The following RANBP2 variants were observed in gnomAD, a reference collection of about 807,000 sequenced individuals.
RANBP2 encodes the protein E3 SUMO-protein ligase RanBP2.
A neutral mutation model predicts 303.6 loss-of-function variants in RANBP2; 57 were observed. The ratio of observed to expected loss-of-function variants is 0.19; its 90% CI spans 0.15 to 0.23. RANBP2 has a LOEUF of 0.23. RANBP2 is among the 10% of genes least tolerant of loss of function. The pLI is 1.00. For missense variants in RANBP2, 3,138 were observed against 3,780.8 expected, an observed-to-expected ratio of 0.83 and a Z score of 4.46; for synonymous variants, 1,167 against 1,301.5, an observed-to-expected ratio of 0.90 and a Z score of 2.23.
chr2:109,116,152 T>C, the RANBP2 span, among the ~76,000 whole-genome samples: 1 of 152,200 alleles, frequency 6.6e-6, no homozygotes, highest in Non-Finnish European at 1.5e-5. Context: ...GCGTTCTCTG[T>C]ATTTCCTGAA....
the RANBP2 span, among the ~76,000 whole-genome samples, chr2:109,227,432 C>T: frequency 1.3e-5 from 2 of 152,300 alleles, no homozygotes; most frequent in African/African-American, 4.8e-5. Context: ...CAAGTTCTCA[C>T]AGTCAAGTAA....
At chr2:109,038,754 C>T in the RANBP2 span, among the ~76,000 whole-genome samples, 2 of 152,304 alleles carry the variant, frequency 1.3e-5, no homozygotes, top group East Asian at 3.9e-4. Context: ...CAATCCTTAA[C>T]TGATTTCCAA....
Position 108,768,167 on chromosome 2 carries a change from C to G in RANBP2, c.7628C>G (p.Ser2543Cys), listed in dbSNP as rs780590344. 6.2e-7 allele frequency: 1 copy of G among 1,611,978 alleles called. No homozygotes were observed. Among genetic ancestry groups the G allele is most frequent in the East Asian group, 2.2e-5 (1 of 44,884 alleles). The change falls in exon 20 of 29, where the codon TCT (serine) becomes TGT (cysteine). Residue 2543 changes from serine (S) to cysteine (C), a missense_variant. Ser to Cys is a moderately radical substitution (Grantham distance 112, BLOSUM62 -1). Around this residue, in one of 20 missense-constraint regions of RANBP2, gnomAD observed 497 missense variants for 465.8 expected, o/e 1.07. Coordinates refer to ENST00000283195, the MANE Select transcript of RANBP2 (RefSeq NM_006267.5). ...FAFGNSSATG[S>C]LFGFSFNAPL... is the part of the protein sequence containing the mutation. ...TTCGGCAACAGTTCAGCCACTGGGT[C>G]TTTGTTTGGATTTAGTTTTAATGCA...
the RANBP2 span, among the ~76,000 whole-genome samples, chr2:109,361,922 C>T: frequency 1.3e-5 from 2 of 151,908 alleles, no homozygotes; most frequent in Admixed American, 1.3e-4. Context: ...CAGGGATGCC[C>T]CCTCTTTTAT....
the RANBP2 span, among the ~76,000 whole-genome samples, chr2:109,256,784 G>C: frequency 6.6e-6 from 1 of 152,234 alleles, no homozygotes; most frequent in African/African-American, 2.4e-5. Context: ...AAACAGTGAA[G>C]TGGGATTTTT....
At chr2:109,671,722 A>C in the RANBP2 span, among the ~76,000 whole-genome samples, 1 of 151,990 alleles carries the variant, frequency 6.6e-6, no homozygotes, top group Non-Finnish European at 1.5e-5. Context: ...CAGGAAGGGG[A>C]AAAAAGGTAT....
chr2:109,487,384 C>T, the RANBP2 span, among the ~76,000 whole-genome samples: 8 of 152,162 alleles, frequency 5.3e-5, no homozygotes, highest in African/African-American at 1.2e-4. Flanking sequence ...CCATGGATTC[C>T]GTGAGCATGA....
the RANBP2 span, among the ~76,000 whole-genome samples, chr2:109,239,375 C>G: frequency 1.3e-5 from 2 of 152,142 alleles, no homozygotes; most frequent in Admixed American, 1.3e-4. Context: ...TCATTTCTTT[C>G]TCCTCACACA....
the RANBP2 span, among the ~76,000 whole-genome samples, chr2:109,391,815 A>G: frequency 6.6e-6 from 1 of 151,902 alleles, no homozygotes; most frequent in South Asian, 2.1e-4. Flanking sequence ...TTTTCATGTC[A>G]TTTTCAACCT....
intron 6 of RANBP2, among the ~76,000 whole-genome samples, chr2:108,740,048 T>C (rs1187169581): frequency 6.6e-6 from 1 of 152,122 alleles, no homozygotes; most frequent in African/African-American, 2.4e-5. Flanking sequence ...AAAAGAGCAA[T>C]TACTGTATTG....
At chr2:108,799,776 C>T in the RANBP2 span, among the ~76,000 whole-genome samples, 2 of 152,102 alleles carry the variant, frequency 1.3e-5, no homozygotes, top group Non-Finnish European at 2.9e-5. Flanking sequence ...TGCTATTTCC[C>T]CAAAGATTTC....
the RANBP2 span, among the ~76,000 whole-genome samples, chr2:109,708,189 C>T: frequency 6.6e-6 from 1 of 152,166 alleles, no homozygotes; most frequent in Non-Finnish European, 1.5e-5. Context: ...AAAACCCCAT[C>T]TCTACAAAAA....
At chr2:108,878,983 A>C in the RANBP2 span, among the ~76,000 whole-genome samples, 1 of 152,238 alleles carries the variant, frequency 6.6e-6, no homozygotes, top group African/African-American at 2.4e-5. Context: ...ATGTGAACAA[A>C]AATATTTAGG....
chr2:109,272,099 A>T, the RANBP2 span, among the ~76,000 whole-genome samples: 31 of 152,296 alleles, frequency 2.0e-4, no homozygotes, highest in Non-Finnish European at 3.7e-4. Flanking sequence ...CACTCAGGGC[A>T]GCCCGTCTGC....
At chr2:109,512,931 G>A in the RANBP2 span, among the ~76,000 whole-genome samples, 14 of 152,330 alleles carry the variant, frequency 9.2e-5, no homozygotes, top group South Asian at 6.2e-4. Context: ...CATCTTGCAC[G>A]TGGGTGGCCT....
chr2:108,938,198 A>G, the RANBP2 span, among the ~76,000 whole-genome samples: 1 of 152,108 alleles, frequency 6.6e-6, no homozygotes, highest in Non-Finnish European at 1.5e-5. Flanking sequence ...TTTCTATTTG[A>G]CTCAACTTTT....
the RANBP2 span, among the ~76,000 whole-genome samples, chr2:108,989,561 A>G: frequency 6.6e-6 from 1 of 152,212 alleles, no homozygotes; most frequent in African/African-American, 2.4e-5. Flanking sequence ...GTGCCACTGC[A>G]CGGATTCAGC....
At chr2:108,970,903 C>T in the RANBP2 span, among the ~76,000 whole-genome samples, 1 of 152,158 alleles carries the variant, frequency 6.6e-6, no homozygotes, top group Non-Finnish European at 1.5e-5. Context: ...GATAGATTTG[C>T]TAATTCTTTT....
chr2:109,309,375 C>G, the RANBP2 span, among the ~76,000 whole-genome samples: 1 of 146,928 alleles, frequency 6.8e-6, no homozygotes, highest in Non-Finnish European at 1.5e-5. Context: ...AAGGAACAAC[C>G]GGTACCAGCT....
Sources: gnomAD v4.1 joint callset for allele counts (sites outside exome capture counted in the v4.1 genomes callset) on GRCh38, gnomAD v4.1.1 for gene constraint, gnomAD v4.1.1 regional missense constraint, MANE v1.5 for transcripts, NCBI Gene and HGNC (gene_info 2026-07-23, HGNC 2026-07-21) for gene names.